Variants in CBLC observed in about 807,000 individuals in gnomAD.
CBLC encodes the protein E3 ubiquitin-protein ligase CBL-C.
In CBLC, 46 loss-of-function variants were observed where a neutral mutation model predicts 58.6. That is an observed-to-expected ratio of 0.79 (90% CI 0.62 to 1.00). The LOEUF (loss-of-function observed/expected upper bound fraction) is 1.00, where lower values mean the gene tolerates loss of function less well. CBLC is among the 50% of genes least tolerant of loss of function. The pLI, the probability that CBLC is intolerant of heterozygous loss-of-function variation, is 0.00. For missense variants in CBLC, 655 were observed against 625.8 expected (o/e 1.05, Z -0.50); for synonymous variants, 271 against 264.2 (o/e 1.03, Z -0.25).
At chr19:44,792,246 A>G in intron 6 of CBLC, 137 bp from the exon 7 acceptor site, 1 of 836,048 alleles carries the variant, frequency 1.2e-6, no homozygotes, top group African/African-American at 1.7e-5. Flanking sequence ...CCCCTGCCTC[A>G]GCCTCCAAAG....
At chr19:44,781,483 G>A in intron 3 of CBLC, 120 bp downstream of exon 3, 2 of 984,304 alleles carry the variant, frequency 2.0e-6, no homozygotes, top group South Asian at 1.7e-5. Context: ...ATCTGAGGGA[G>A]GAGGGGCCGG....
Position 44,782,382 on chromosome 19 carries a change from C to G in CBLC, c.670C>G (p.Leu224Val). The G allele has an allele frequency of 6.2e-7, 1 of 1,613,802 alleles. No homozygotes were observed. Among genetic ancestry groups the G allele is most frequent in the East Asian group, 2.2e-5 (1 of 44,880 alleles). Residue 224 changes from leucine (L) to valine (V), a missense_variant, in exon 4 of 11, where the codon CTC becomes GTC. Around this residue, in one of 3 missense-constraint regions of CBLC, gnomAD observed 371 missense variants for 370.8 expected, o/e 1.00. Coordinates refer to ENST00000647358, the MANE Select transcript of CBLC (RefSeq NM_012116.4). ...TGCCCCACCCCAGCCATGGCCAACA[C>G]TCCTCAAGAACTGGCAGCTCCTGGC... ...FTRLFQPWPT[L>V]LKNWQLLAVN...
intron 6 of CBLC, 45 bp from the exon 7 acceptor site, chr19:44,792,338 C>A: frequency 1.2e-6 from 2 of 1,607,738 alleles, no homozygotes; most frequent in South Asian, 1.1e-5. Context: ...GTCCCCGTGG[C>A]TGACGCATGC....
intron 9 of CBLC, among the ~76,000 whole-genome samples, chr19:44,795,360 T>A (rs1374826130): frequency 6.7e-6 from 1 of 149,330 alleles, no homozygotes; most frequent in African/African-American, 2.5e-5. Flanking sequence ...TACAAAAAAA[T>A]TTTAAAATTA....
chr19:44,795,385 C>T (rs531358112), intron 9 of CBLC, among the ~76,000 whole-genome samples: 22 of 152,072 alleles, frequency 1.4e-4, no homozygotes, highest in Admixed American at 1.2e-3. Flanking sequence ...AAAGTGGTGG[C>T]GCACACCCGT....
intron 9 of CBLC, 119 bp from the exon 10 acceptor site, chr19:44,800,262 C>A (rs991000324): frequency 1.1e-5 from 8 of 698,836 alleles, no homozygotes; most frequent in African/African-American, 1.1e-4. Flanking sequence ...AGGAAGCCAC[C>A]TCCAGCCCCC....
rs576810611 is a variant in CBLC, at chr19:44,788,961, G to A, written c.918-1043G>A. Among the ~76,000 whole-genome samples, 5 of 152,324 alleles carry A rather than the reference G, an allele frequency of 3.3e-5. No individual in the cohort carries two copies. The South Asian group carries it at 8.3e-4, about 25-fold the overall frequency. On this transcript the variant is annotated intron_variant, in intron 5 of 10. Transcript: ENST00000647358. ...CTGTGGGGCCCAGGTCAGGGATCCT[G>A]CACTGCTCCACATGACAGGCCAGGC...
At chr19:44,793,008 C>T (rs1381433284) in intron 7 of CBLC, among the ~76,000 whole-genome samples, 5 of 152,042 alleles carry the variant, frequency 3.3e-5, no homozygotes, top group South Asian at 2.1e-4. Flanking sequence ...AAAAATTAGA[C>T]GGGTGTGGTG....
At chr19:44,792,600 T>A in intron 7 of CBLC, 86 bp downstream of exon 7, 1 of 1,351,832 alleles carries the variant, frequency 7.4e-7, no homozygotes, top group Non-Finnish European at 9.8e-7. Flanking sequence ...GCCTCATTGA[T>A]CATATGGGGA....
chr19:44,786,488 A>T (rs1351706885), intron 5 of CBLC, among the ~76,000 whole-genome samples: 1 of 150,554 alleles, frequency 6.6e-6, no homozygotes. Context: ...CCAGCTACTC[A>T]GGAGGCTGAG....
At chr19:44,794,014 G>C in intron 8 of CBLC, 190 bp from the exon 9 acceptor site, 1 of 540,114 alleles carries the variant, frequency 1.9e-6, no homozygotes, top group Non-Finnish European at 2.4e-6. Flanking sequence ...CTGGTCTTTT[G>C]CTTCCCCAAG....
intron 1 of CBLC, among the ~76,000 whole-genome samples, chr19:44,779,791 G>A (rs764363801): frequency 6.6e-6 from 1 of 152,130 alleles, no homozygotes; most frequent in Admixed American, 6.6e-5. Flanking sequence ...GGCCTCATGC[G>A]ATCTTCGTAC....
At chr19:44,789,038 A>G (rs1462492066) in intron 5 of CBLC, among the ~76,000 whole-genome samples, 2 of 152,134 alleles carry the variant, frequency 1.3e-5, no homozygotes, top group East Asian at 1.9e-4. Context: ...TGTGCTATAC[A>G]TGTCGGAATA....
chr19:44,788,183 C>T (rs978571680), intron 5 of CBLC, among the ~76,000 whole-genome samples: 11 of 151,994 alleles, frequency 7.2e-5, no homozygotes, highest in Non-Finnish European at 1.2e-4. Context: ...GACATGAACA[C>T]GGCTCACTGC....
chr19:44,792,914 G>A (rs1239686772), intron 7 of CBLC, among the ~76,000 whole-genome samples: 2 of 152,000 alleles, frequency 1.3e-5, no homozygotes, highest in Non-Finnish European at 2.9e-5. Context: ...TGGGAGGCCG[G>A]GGTGGGTGGA....
intron 7 of CBLC, 125 bp from the exon 8 acceptor site, chr19:44,793,349 T>A: frequency 9.3e-7 from 1 of 1,071,334 alleles, no homozygotes; most frequent in East Asian, 2.7e-5. Flanking sequence ...TCTTCTCTCC[T>A]TCCGTCTCCC....
intron 5 of CBLC, 30 bp from the exon 6 acceptor site, chr19:44,789,974 C>T (rs754178060): frequency 2.7e-6 from 4 of 1,455,440 alleles, no homozygotes; most frequent in Middle Eastern, 1.7e-4. Flanking sequence ...CTGGATGGCC[C>T]CCCAGTCCCC....
chr19:44,799,716 GAGAA>G (rs772240961), intron 9 of CBLC, among the ~76,000 whole-genome samples: 27 of 150,252 alleles, frequency 1.8e-4, no homozygotes, highest in Non-Finnish European at 3.4e-4. Context: ...AAGAAAGGGA[GAGAA>G]AGAAGGAGGG....
At chr19:44,784,595 G>A (rs1475754076) in intron 5 of CBLC, among the ~76,000 whole-genome samples, 194 bp downstream of exon 5, 3 of 152,184 alleles carry the variant, frequency 2.0e-5, no homozygotes, top group Non-Finnish European at 4.4e-5. Context: ...TCTGAGGGTC[G>A]CACAAAGTGG....
Sources: gnomAD v4.1 joint callset for allele counts (sites outside exome capture counted in the v4.1 genomes callset) on GRCh38, gnomAD v4.1.1 for gene constraint, gnomAD v4.1.1 regional missense constraint, MANE v1.5 for transcripts, NCBI Gene and HGNC (gene_info 2026-07-23, HGNC 2026-07-21) for gene names.